KATNIP: variants seen among roughly 807,000 people sequenced by gnomAD.
KATNIP encodes katanin interacting protein, also known as katanin-interacting protein.
Under a neutral mutation model 174.0 loss-of-function variants are expected in KATNIP, and 126 were observed. That is an observed-to-expected ratio of 0.72 (90% confidence interval 0.63 to 0.84). The LOEUF is 0.84. Ranked by LOEUF, KATNIP falls within the 40% of genes least tolerant of loss-of-function variation. KATNIP has a pLI of 0.00. For missense variants in KATNIP, 1,958 were observed against 2,109.7 expected, an observed-to-expected ratio of 0.93 and a Z score of 1.41; for synonymous variants, 810 against 835.7, an observed-to-expected ratio of 0.97 and a Z score of 0.53.
intron 2 of KATNIP, chr16:27,574,215 T>C (rs937749843): frequency 8.3e-6 from 4 of 483,210 alleles, no homozygotes; most frequent in African/African-American, 7.8e-5. Context: ...TCCCAGATTT[T>C]AGTGGCTTAA....
chr16:27,755,942 T>A (rs2081705024), intron 18 of KATNIP, among the ~76,000 whole-genome samples: 1 of 152,208 alleles, frequency 6.6e-6, no homozygotes, highest in South Asian at 2.1e-4. Context: ...CGGACATGGC[T>A]TTTTGCAAGG....
At chr16:27,692,266 G>A (rs371119283) in intron 8 of KATNIP, among the ~76,000 whole-genome samples, 2 of 152,152 alleles carry the variant, frequency 1.3e-5, no homozygotes, top group Non-Finnish European at 2.9e-5. Context: ...ATTGTCTATA[G>A]GGTCTAAAGG....
At chr16:27,675,965 A>G (rs1032317655) in intron 6 of KATNIP, among the ~76,000 whole-genome samples, 6 of 152,204 alleles carry the variant, frequency 3.9e-5, no homozygotes, top group African/African-American at 1.4e-4. Flanking sequence ...AGGTACAAGA[A>G]AAAAGGTTGT....
In KATNIP at chr16:27,587,305, G is replaced by A. The variant is rs571827762; in HGVS notation, c.63+13349G>A. Reference sequence around the variant, plus strand: ...CCCTCTGTCAGATCCTGTCCACACCGTGTTCCATCAGCTGGAGTAGCTGGG... The same window carrying A: ...CCCTCTGTCAGATCCTGTCCACACCATGTTCCATCAGCTGGAGTAGCTGGG... On this transcript the variant is annotated intron_variant, in intron 2 of 27. Transcript: ENST00000261588. 2.2e-4 allele frequency among the ~76,000 whole-genome samples: 33 copies of A among 152,324 alleles called. 1 individual carries two copies. The highest frequency in any genetic ancestry group is 5.9e-4 in the Admixed American group (9 of 15,292).
intron 17 of KATNIP, among the ~76,000 whole-genome samples, chr16:27,752,504 G>A (rs1347034028): frequency 2.0e-5 from 3 of 152,248 alleles, no homozygotes; most frequent in Non-Finnish European, 4.4e-5. Context: ...GGTAGAACTT[G>A]AATGCGTGAT....
At chr16:27,754,018 T>A (rs2081617134) in intron 17 of KATNIP, among the ~76,000 whole-genome samples, 155 bp from the exon 18 acceptor site, 2 of 152,124 alleles carry the variant, frequency 1.3e-5, no homozygotes, top group Non-Finnish European at 2.9e-5. Context: ...ACTGGTCCCA[T>A]AGCTTCCACA....
chr16:27,765,738 T>G (rs1391758368), intron 19 of KATNIP, among the ~76,000 whole-genome samples: 1 of 152,226 alleles, frequency 6.6e-6, no homozygotes, highest in Non-Finnish European at 1.5e-5. Context: ...TTTTGCACAC[T>G]CTCTCCTGGT....
chr16:27,708,748 A>G lies in KATNIP; in HGVS notation c.1433A>G (p.Tyr478Cys), dbSNP rs370750787. The G allele has an allele frequency of 1.2e-6, 2 of 1,613,922 alleles. No homozygotes were observed. The highest frequency in any genetic ancestry group is 2.2e-5 in the East Asian group (1 of 44,872). The part of the protein sequence containing the change: ...MRADEIKDAI[Y>C]VTMEILSNWG... ...GCAGACGAGATCAAAGATGCCATCT[A>G]CGTGACCATGGAGATCCTGTCCAAC... is the stretch of plus-strand genomic sequence containing the variant. Residue 478 changes from tyrosine (Y) to cysteine (C), a missense_variant, in exon 13 of 28, where the codon TAC becomes TGC. Physicochemically the swap from Tyr to Cys is radical, Grantham distance 194 (BLOSUM62 -2). Around this residue, in one of 3 missense-constraint regions of KATNIP, gnomAD observed 1,557 missense variants for 1,617.8 expected, o/e 0.96. Coordinates refer to ENST00000261588, the MANE Select transcript of KATNIP (RefSeq NM_015202.5).
rs754057231 is a variant in KATNIP, at chr16:27,740,689, C to T, written c.2392C>T (p.Pro798Ser). The T allele has an allele frequency of 8.1e-6, 13 of 1,614,158 alleles. No homozygotes were observed. The South Asian group carries it at 1.2e-4, about 15-fold the overall frequency. ...ATCAGACGATGTCATCGGTGAGGGTCCTGGAGAGACCGAGGCCAGGGATAA... is the reference window on the plus strand; with the variant it reads ...ATCAGACGATGTCATCGGTGAGGGTTCTGGAGAGACCGAGGCCAGGGATAA... ...LPSDDVIGEG[P>S]GETEARDKGL... is the part of the protein sequence containing the mutation. The change falls in exon 15 of 28, where the codon CCT becomes TCT. Residue 798 changes from proline to serine, a missense_variant. Pro to Ser is a moderately conservative substitution (Grantham distance 74). Around this residue, in one of 3 missense-constraint regions of KATNIP, gnomAD observed 1,557 missense variants for 1,617.8 expected, o/e 0.96. Transcript: ENST00000261588.
At chr16:27,775,572 T>C (rs1407872988) in intron 24 of KATNIP, among the ~76,000 whole-genome samples, 1 of 152,252 alleles carries the variant, frequency 6.6e-6, no homozygotes, top group Non-Finnish European at 1.5e-5. Context: ...ACCAACTGAC[T>C]CAGTTTCCCA....
chr16:27,688,713 T>C (rs1265224956), intron 8 of KATNIP, among the ~76,000 whole-genome samples: 1 of 152,252 alleles, frequency 6.6e-6, no homozygotes, highest in African/African-American at 2.4e-5. Flanking sequence ...CTGACATTAC[T>C]GGTTTAGAGA....
At position 27,677,987 on chromosome 16, in the gene KATNIP, G is replaced by C; in HGVS notation, c.799G>C (p.Ala267Pro). The C allele has an allele frequency of 6.2e-7, 1 of 1,613,744 alleles. No homozygotes were observed. The highest frequency in any genetic ancestry group is 1.7e-4 in the Middle Eastern group (1 of 6,058). The change falls in exon 7 of 28, where the codon GCT becomes CCT. Residue 267 changes from alanine to proline, a missense_variant. Transcript: ENST00000261588. ...CCTCGTGGTGCTGGAATTTAACCCA[G>C]CTTCCAAAAGTGAGCTCTGTCTTGT... ...DTLVVLEFNP[A>P]SKSHKRERNL...
intron 14 of KATNIP, among the ~76,000 whole-genome samples, chr16:27,739,789 A>G (rs2081031475): frequency 6.6e-6 from 1 of 151,888 alleles, no homozygotes; most frequent in Admixed American, 6.5e-5. Flanking sequence ...ATGTCCCGAC[A>G]GGAGGTAATG....
chr16:27,766,777 G>A (rs978709247), intron 20 of KATNIP, among the ~76,000 whole-genome samples: 3 of 152,180 alleles, frequency 2.0e-5, no homozygotes, highest in African/African-American at 4.8e-5. Context: ...TCCCTTGAGT[G>A]CTCGGGTGGC....
intron 1 of KATNIP, among the ~76,000 whole-genome samples, chr16:27,554,342 G>A (rs780828258): frequency 1.5e-4 from 23 of 152,008 alleles, no homozygotes; most frequent in Non-Finnish European, 2.2e-4. Context: ...ACATAACTGT[G>A]GTCCCAGCTA....
chr16:27,754,123 G>T, intron 17 of KATNIP, 50 bp from the exon 18 acceptor site: 3 of 1,467,564 alleles, frequency 2.0e-6, no homozygotes, highest in Non-Finnish European at 1.9e-6. Flanking sequence ...AGCTGTGTGG[G>T]TATCACTAAA....
chr16:27,667,751 C>A (rs1227744582), intron 6 of KATNIP, among the ~76,000 whole-genome samples: 1 of 152,176 alleles, frequency 6.6e-6, no homozygotes, highest in Non-Finnish European at 1.5e-5. Context: ...ATGCCATCAT[C>A]AAAATTTTAA....
At chr16:27,645,098 G>A (rs2076919226) in intron 5 of KATNIP, among the ~76,000 whole-genome samples, 1 of 152,164 alleles carries the variant, frequency 6.6e-6, no homozygotes, top group Non-Finnish European at 1.5e-5. Context: ...GGAGCAGGTG[G>A]CAGTTTCTCT....
chr16:27,713,725 GTAT>G (rs1567336148), intron 13 of KATNIP, among the ~76,000 whole-genome samples: 5 of 109,664 alleles, frequency 4.6e-5, no homozygotes, highest in Admixed American at 9.6e-5. Context: ...ATATGTGTGT[GTAT>G]TATATACACA....
Sources: allele counts gnomAD v4.1 joint callset (sites outside exome capture counted in the v4.1 genomes callset), GRCh38; gene constraint gnomAD v4.1.1; regional missense constraint gnomAD v4.1.1; transcripts MANE v1.5; gene names NCBI Gene and HGNC (gene_info 2026-07-23, HGNC 2026-07-21).